B4GALNT3: variants seen among roughly 807,000 people sequenced by gnomAD.
The protein encoded by B4GALNT3 is beta-1,4-N-acetylgalactosaminyltransferase 3.
In B4GALNT3, 86 loss-of-function variants were observed where a neutral mutation model predicts 120.2. The observed-to-expected ratio is 0.72, with a 90% CI of 0.60 to 0.86. The LOEUF (loss-of-function observed/expected upper bound fraction) is 0.86, where lower values mean the gene tolerates loss of function less well. Among genes scored for constraint, B4GALNT3 ranks in the 40% least tolerant of loss-of-function variants. The pLI is 0.00. For synonymous variants in B4GALNT3, 518 were observed against 510.4 expected, an observed-to-expected ratio of 1.01 and a Z score of -0.20; for missense variants, 1,167 against 1,298.9, an observed-to-expected ratio of 0.90 and a Z score of 1.56.
intron 1 of B4GALNT3, among the ~76,000 whole-genome samples, chr12:484,496 A>G (rs1946271887): frequency 1.3e-5 from 2 of 152,282 alleles, no homozygotes; most frequent in South Asian, 4.1e-4. Context: ...TTTAAGAATT[A>G]TTCGTGTAAG....
chr12:477,745 A>G lies in B4GALNT3; in HGVS notation c.169+17200A>G, dbSNP rs546825889. Among the ~76,000 whole-genome samples the G allele has an allele frequency of 3.9e-5, 6 of 152,352 alleles. No homozygotes were observed. The East Asian group carries it at 1.2e-3, about 29-fold the overall frequency. ...ATGAAGCCCTTTGGTAGACAGATTCATGATGTATTTAAAACATTGCTGTCT... is the reference window on the plus strand; with the variant it reads ...ATGAAGCCCTTTGGTAGACAGATTCGTGATGTATTTAAAACATTGCTGTCT... On this transcript the variant is annotated intron_variant, in intron 1 of 19. Transcript: ENST00000266383.
intron 1 of B4GALNT3, among the ~76,000 whole-genome samples, chr12:472,355 G>A (rs1292247457): frequency 2.0e-5 from 3 of 152,128 alleles, no homozygotes; most frequent in Non-Finnish European, 4.4e-5. Flanking sequence ...ATCATGGCTC[G>A]CTGCAGTCTC....
chr12:460,478 G>T lies in B4GALNT3; in HGVS notation c.102G>T (p.Val34=). ...RLLLALAVVS[V]GLWTLYLELV... ...TGCTGGCGCTCGCCGTGGTGTCTGT[G>T]GGGCTCTGGACTCTGTATCTGGAAC... Residue 34 remains valine (V), a synonymous_variant, in exon 1 of 20, where the codon GTG becomes GTT. Coordinates refer to ENST00000266383, the MANE Select transcript of B4GALNT3 (RefSeq NM_173593.4). This position sits in a 1 kb window ranked among gnomAD's most constrained non-coding sequence, Gnocchi z 8.0. 3 of 1,587,478 alleles carry T rather than the reference G, an allele frequency of 1.9e-6. No homozygotes were observed. Among genetic ancestry groups the T allele is most frequent in the Non-Finnish European group, 2.6e-6 (3 of 1,168,166 alleles).
At chr12:519,613 T>TC (rs1555156016) in intron 1 of B4GALNT3, among the ~76,000 whole-genome samples, 18,803 of 149,274 alleles carry the variant, frequency 0.13, 1,378 homozygotes, top group Non-Finnish European at 0.16. Context: ...TTTTTTTTTT[T>TC]CCGGTAAGGA....
In B4GALNT3 at chr12:556,703, A is replaced by G. The variant is rs1947160034; in HGVS notation, c.2217A>G (p.Pro739=). The G allele has an allele frequency of 6.2e-7, 1 of 1,613,922 alleles. No homozygotes were observed. Among genetic ancestry groups the G allele is most frequent in the African/African-American group, 1.3e-5 (1 of 75,058 alleles). ...VSARGWQGID[P]AGGEEVEARN... ...CACGAGGCTGGCAGGGCATCGATCC[A>G]GCTGGTGGGGAGGAGGTCGAGGCCC... Residue 739 remains proline, a synonymous_variant, in exon 15 of 20, where the codon CCA becomes CCG. Transcript: ENST00000266383.
intron 2 of B4GALNT3, 74 bp downstream of exon 2, chr12:535,343 T>G: frequency 3.8e-6 from 5 of 1,308,740 alleles, no homozygotes; most frequent in Middle Eastern, 2.0e-4. Context: ...CCAGTTGCCT[T>G]AAGGGTAACC....
At chr12:511,884 T>TC (rs370403107) in intron 1 of B4GALNT3, among the ~76,000 whole-genome samples, 4,010 of 14,610 alleles carry the variant, frequency 0.27, 1,613 homozygotes, top group East Asian at 0.78. Context: ...CCTTCCACCT[T>TC]CTTCCACCTT....
rs369382498 is a variant in B4GALNT3, at chr12:548,777, G to A, written c.853+480G>A. On this transcript the variant is annotated intron_variant, in intron 9 of 19. Coordinates refer to ENST00000266383, the MANE Select transcript of B4GALNT3 (RefSeq NM_173593.4). This position sits in a 1 kb window ranked among gnomAD's most constrained non-coding sequence, Gnocchi z 4.9. ...ATTAAAAAATTAACTGGGTGTGGTG[G>A]CGCATGCCTGTAGTCACAGCTACTG... Among the ~76,000 whole-genome samples the A allele has an allele frequency of 8.3e-4, 127 of 152,218 alleles. No individual in the cohort carries two copies. Among genetic ancestry groups the A allele is most frequent in the African/African-American group, 2.8e-3 (117 of 41,530 alleles).
At chr12:540,333 A>T (rs1946901650) in intron 3 of B4GALNT3, 1 of 152,250 alleles carries the variant, frequency 6.6e-6, no homozygotes, top group African/African-American at 2.4e-5. Flanking sequence ...CAGTGCTAAT[A>T]GAATGGAGGA....
At chr12:559,909 G>A in intron 19 of B4GALNT3, among the ~76,000 whole-genome samples, 1 of 152,288 alleles carries the variant, frequency 6.6e-6, no homozygotes, top group African/African-American at 2.4e-5. Flanking sequence ...ACATCCAGGA[G>A]GTGCCGGGTC....
chr12:492,297 G>A (rs921886185), intron 1 of B4GALNT3, among the ~76,000 whole-genome samples: 1 of 152,194 alleles, frequency 6.6e-6, no homozygotes. Flanking sequence ...GGATACAGAT[G>A]TCAATTGCTT....
chr12:487,336 C>T (rs184439569), intron 1 of B4GALNT3, among the ~76,000 whole-genome samples: 2 of 152,264 alleles, frequency 1.3e-5, no homozygotes, highest in Middle Eastern at 3.4e-3. Flanking sequence ...GCTCAGAAAT[C>T]ATCAAGCAGG....
Position 537,494 on chromosome 12 carries a change from C to T in B4GALNT3, c.351+1199C>T, listed in dbSNP as rs183689608. On this transcript the variant is annotated intron_variant, in intron 3 of 19. Transcript: ENST00000266383. The stretch of plus-strand genomic sequence containing the variant: ...CTGACCTCAAACTCCTGGCCTCAAG[C>T]GATCCTCCTGCCTTGGCCTCCCAAA... Among the ~76,000 whole-genome samples the T allele has an allele frequency of 1.6e-4, 25 of 152,288 alleles. No homozygotes were observed. The East Asian group carries it at 3.7e-3, about 22-fold the overall frequency.
At chr12:512,427 TTCCG>T (rs1946593743) in intron 1 of B4GALNT3, among the ~76,000 whole-genome samples, 1 of 122,516 alleles carries the variant, frequency 8.2e-6, no homozygotes, top group African/African-American at 3.3e-5. Flanking sequence ...GCCTTCCGCC[TTCCG>T]CCTTCCATCT....
At chr12:490,285 C>A (rs761888297) in intron 1 of B4GALNT3, among the ~76,000 whole-genome samples, 3 of 151,816 alleles carry the variant, frequency 2.0e-5, no homozygotes, top group Non-Finnish European at 4.4e-5. Context: ...GAAATCAGTA[C>A]AGAAAGTTAA....
At chr12:513,156 CCTTCCACCTTCCACCTTCCACCTT>C (rs1565599178) in intron 1 of B4GALNT3, among the ~76,000 whole-genome samples, 1 of 150,546 alleles carries the variant, frequency 6.6e-6, no homozygotes, top group Non-Finnish European at 1.5e-5. Context: ...CGACCTTCCA[CCTTCCACCTTCCACCTTCCACCTT>C]CTTCCACCTT....
At chr12:511,969 TTCCG>T (rs2120583288) in intron 1 of B4GALNT3, among the ~76,000 whole-genome samples, 1 of 136,654 alleles carries the variant, frequency 7.3e-6, no homozygotes, top group Admixed American at 7.2e-5. Flanking sequence ...ACCTTCCACC[TTCCG>T]CCTTCCGCAT....
At chr12:502,750 C>A (rs763628768) in intron 1 of B4GALNT3, among the ~76,000 whole-genome samples, 3 of 151,910 alleles carry the variant, frequency 2.0e-5, no homozygotes, top group Non-Finnish European at 2.9e-5. Context: ...TAAACAAGTT[C>A]TTTTATTTTA....
chr12:525,447 C>T (rs751900122), intron 1 of B4GALNT3, among the ~76,000 whole-genome samples: 1 of 152,212 alleles, frequency 6.6e-6, no homozygotes, highest in Non-Finnish European at 1.5e-5. Context: ...CATGTCTCTC[C>T]TCCTGTCTCC....
Sources: gnomAD v4.1 joint callset for allele counts (sites outside exome capture counted in the v4.1 genomes callset) on GRCh38, gnomAD v4.1.1 for gene constraint, Gnocchi (gnomAD v3.1) non-coding constraint, MANE v1.5 for transcripts, NCBI Gene and HGNC (gene_info 2026-07-23, HGNC 2026-07-21) for gene names.